Variants in DCAF8L2 observed in about 807,000 individuals in gnomAD.
DCAF8L2 encodes DDB1 and CUL4 associated factor 8 like 2.
For synonymous variants in DCAF8L2, 200 were observed against 190.9 expected (o/e 1.05, Z -0.39); for missense variants, 430 against 490.7 (o/e 0.88, Z 1.17).
chrX:27,613,563 A>G (rs1927296974), intron 1 of DCAF8L2, among the ~76,000 whole-genome samples: 1 of 111,267 alleles, frequency 9.0e-6, no homozygotes, highest in South Asian at 3.8e-4. Flanking sequence ...GTTTTTGCCC[A>G]TTCAGTATGA....
chrX:27,643,267 A>G (rs1369705844), intron 2 of DCAF8L2, among the ~76,000 whole-genome samples: 1 of 112,243 alleles, frequency 8.9e-6, no homozygotes, highest in Admixed American at 9.5e-5. Flanking sequence ...GATAATAGCT[A>G]TCCTAACATG....
the DCAF8L2 span, among the ~76,000 whole-genome samples, chrX:27,551,143 C>G: frequency 1.8e-5 from 2 of 108,568 alleles, no homozygotes; most frequent in African/African-American, 3.4e-5. Flanking sequence ...ATTCCTGTTC[C>G]CTGAAGCACA....
intron 1 of DCAF8L2, among the ~76,000 whole-genome samples, chrX:27,626,646 A>C (rs986246877): frequency 8.9e-6 from 1 of 112,237 alleles, no homozygotes; most frequent in Non-Finnish European, 1.9e-5. Context: ...TAATATTTTT[A>C]TTTGTTTCTT....
the DCAF8L2 span, among the ~76,000 whole-genome samples, chrX:27,491,279 T>G: frequency 8.9e-6 from 1 of 112,641 alleles, no homozygotes; most frequent in Non-Finnish European, 1.9e-5. Context: ...TATTTTGAAT[T>G]AATATTTTGT....
the DCAF8L2 span, among the ~76,000 whole-genome samples, chrX:27,581,837 G>A: frequency 2.7e-5 from 3 of 112,120 alleles, no homozygotes; most frequent in African/African-American, 9.7e-5. Context: ...GCCCACCTCG[G>A]CATCCCAAAG....
chrX:27,687,875 T>G (rs2147250170), intron 3 of DCAF8L2, among the ~76,000 whole-genome samples: 1 of 111,531 alleles, frequency 9.0e-6, no homozygotes, highest in Non-Finnish European at 1.9e-5. Context: ...CTGTCTTTAG[T>G]TCTCTAGCTG....
chrX:27,692,580 T>G lies in DCAF8L2; in HGVS notation c.-143+14668T>G, dbSNP rs181106621. 3.4e-3 allele frequency among the ~76,000 whole-genome samples: 377 copies of G among 112,255 alleles called. 1 individual carries two copies. The highest frequency in any genetic ancestry group is 0.012 in the African/African-American group (359 of 30,978). On this transcript the variant is annotated intron_variant, in intron 3 of 4. Coordinates refer to ENST00000451261, the MANE Select transcript of DCAF8L2 (RefSeq NM_001353450.2). ...AAAGGTCCTTATCACCAAGATGTAA[T>G]AAGCACAATGTTGCTTCTCTGTGAA... is the stretch of plus-strand genomic sequence containing the variant.
chrX:27,590,624 G>A (rs1353124136), intron 1 of DCAF8L2, among the ~76,000 whole-genome samples, 184 bp downstream of exon 1: 1 of 110,392 alleles, frequency 9.1e-6, no homozygotes, highest in Non-Finnish European at 1.9e-5. Context: ...AGTTGCCTGG[G>A]GCACAATATG....
the DCAF8L2 span, among the ~76,000 whole-genome samples, chrX:27,491,273 T>A: frequency 2.7e-5 from 3 of 112,657 alleles, no homozygotes; most frequent in Admixed American, 9.4e-5. Flanking sequence ...ATGATCTATT[T>A]TGAATTAATA....
intron 3 of DCAF8L2, among the ~76,000 whole-genome samples, chrX:27,700,685 G>A (rs1931098303): frequency 9.0e-6 from 1 of 111,428 alleles, no homozygotes; most frequent in African/African-American, 3.3e-5. Flanking sequence ...CCCCTGAAGT[G>A]GAACTGAATA....
intron 2 of DCAF8L2, among the ~76,000 whole-genome samples, chrX:27,669,630 C>T (rs190645950): frequency 2.1e-4 from 23 of 108,613 alleles, no homozygotes; most frequent in African/African-American, 6.7e-4. Flanking sequence ...CCCCCGCCCC[C>T]GCTCCATGAC....
the DCAF8L2 span, among the ~76,000 whole-genome samples, chrX:27,541,216 G>A: frequency 1.4e-4 from 16 of 111,691 alleles, no homozygotes; most frequent in African/African-American, 3.6e-4. Flanking sequence ...AACAAAGCAC[G>A]GACAGCCATG....
chrX:27,498,647 T>C, the DCAF8L2 span, among the ~76,000 whole-genome samples: 1 of 112,216 alleles, frequency 8.9e-6, no homozygotes, highest in African/African-American at 3.2e-5. Flanking sequence ...ATGCTGTATG[T>C]TAGGTCTCCA....
intron 1 of DCAF8L2, among the ~76,000 whole-genome samples, chrX:27,607,305 C>T (rs929044298): frequency 9.0e-6 from 1 of 111,610 alleles, no homozygotes; most frequent in Non-Finnish European, 1.9e-5. Flanking sequence ...AAGCAAACTT[C>T]AGTAATTCTG....
At chrX:27,735,665 T>G (rs183052495) in intron 4 of DCAF8L2, among the ~76,000 whole-genome samples, 1 of 111,838 alleles carries the variant, frequency 8.9e-6, no homozygotes, top group Non-Finnish European at 1.9e-5. Context: ...CTTTCTACCA[T>G]ACATGCATAT....
intron 4 of DCAF8L2, 27 bp from the exon 5 acceptor site, chrX:27,746,811 C>T: frequency 1.0e-6 from 1 of 959,000 alleles, no homozygotes; most frequent in Middle Eastern, 2.8e-4. Flanking sequence ...ACCATCAGTC[C>T]TAACCGCAGG....
chrX:27,629,414 C>T (rs1928190990), intron 1 of DCAF8L2, among the ~76,000 whole-genome samples: 1 of 110,989 alleles, frequency 9.0e-6, no homozygotes, highest in African/African-American at 3.3e-5. Flanking sequence ...TTCTTTCTCT[C>T]TCTCTTTTTC....
At chrX:27,469,270 T>C in the DCAF8L2 span, among the ~76,000 whole-genome samples, 3 of 112,317 alleles carry the variant, frequency 2.7e-5, no homozygotes, top group Non-Finnish European at 5.6e-5. Flanking sequence ...AATTCTGTAA[T>C]TCATAGATCT....
rs1315233815 is a variant in DCAF8L2 at position 27,694,473 on chromosome X, CTTG to C, written c.-143+16565_-143+16567del. Among the ~76,000 whole-genome samples the C allele has an allele frequency of 3.6e-5, 4 of 110,325 alleles. No individual in the cohort carries two copies. In the East Asian group the frequency reaches 1.1e-3, roughly 31 times the overall value. ...ATATTAACATTTCTATCAAACTGAT[CTTG>C]TTGGTAGGTAATTAAATCTTAGATG... is the stretch of plus-strand genomic sequence containing the variant. On this transcript the variant is annotated intron_variant, in intron 3 of 4. Transcript: ENST00000451261.
Sources: gnomAD v4.1 joint callset for allele counts (sites outside exome capture counted in the v4.1 genomes callset) on GRCh38, gnomAD v4.1.1 for gene constraint, MANE v1.5 for transcripts, NCBI Gene and HGNC (gene_info 2026-07-23, HGNC 2026-07-21) for gene names.